GTF3C4: variants seen among roughly 807,000 people sequenced by gnomAD.
The protein encoded by GTF3C4 is general transcription factor 3C polypeptide 4.
In GTF3C4, 28 loss-of-function variants were observed where a neutral mutation model predicts 67.5. That is an observed-to-expected ratio of 0.41 (90% CI 0.31 to 0.57). GTF3C4 has a LOEUF of 0.57. GTF3C4 is among the 20% of genes least tolerant of loss of function. The pLI, the probability that GTF3C4 is intolerant of heterozygous loss-of-function variation, is 0.21. For missense variants in GTF3C4, 831 were observed against 1,033.2 expected (o/e 0.80, Z 2.68); for synonymous variants, 409 against 393.0 (o/e 1.04, Z -0.48).
chr9:132,676,132 C>T (rs12343343), intron 1 of GTF3C4, among the ~76,000 whole-genome samples: 46,055 of 151,492 alleles, frequency 0.3, 7,430 homozygotes, highest in Middle Eastern at 0.43. Flanking sequence ...ATCTCCTGAC[C>T]TCATGATCCG....
chr9:132,670,940 C>T lies in GTF3C4; in HGVS notation c.342C>T (p.Asn114=). ...IHRTSVPAPL[N]SCLLKVGSKT... ...GCACCTCGGTGCCCGCACCGCTCAA[C>T]AGCTGTCTCCTCAAAGTAAGTCATC... The change falls in exon 1 of 5, where the codon AAC becomes AAT. Residue 114 remains asparagine, a synonymous_variant. Coordinates refer to ENST00000372146, the MANE Select transcript of GTF3C4 (RefSeq NM_012204.4). The T allele has an allele frequency of 6.2e-7, 1 of 1,610,128 alleles. No homozygotes were observed. The highest frequency in any genetic ancestry group is 8.5e-7 in the Non-Finnish European group (1 of 1,177,816).
At chr9:132,671,043 T>C (rs917687786) in intron 1 of GTF3C4, 88 bp downstream of exon 1, 25 of 900,006 alleles carry the variant, frequency 2.8e-5, no homozygotes, top group Non-Finnish European at 4.5e-5. Flanking sequence ...GATCCCACAC[T>C]CTGTCCGGGG....
upstream of GTF3C4, chr9:132,670,060 T>C (rs1590125934): frequency 1.3e-6 from 2 of 1,564,318 alleles, no homozygotes; most frequent in Non-Finnish European, 1.7e-6. Flanking sequence ...CGGCTCCAGC[T>C]GTACGGACTC....
chr9:132,688,782 A>C, intron 4 of GTF3C4, 99 bp from the exon 5 acceptor site: 1 of 849,858 alleles, frequency 1.2e-6, no homozygotes, highest in Non-Finnish European at 2.1e-6. Flanking sequence ...CAGAGGTGGG[A>C]CCAGAATGCC....
rs567920424 is a variant in GTF3C4, at chr9:132,670,688, G to C, written c.90G>C (p.Ala30=). The C allele has an allele frequency of 2.0e-6, 3 of 1,512,694 alleles. No homozygotes were observed. Among genetic ancestry groups the C allele is most frequent in the African/African-American group, 2.8e-5 (2 of 70,868 alleles). The allele number at this position is 1,512,694 out of a possible 1,614,324, so 93.7% of individuals were successfully genotyped here. ...AGGAGGGAGAGGGGGGCGGCGAGGC[G>C]GGCGGGAAGGAGCCAGCAGCGGACG... The part of the protein sequence containing the change: ...GEEEGEGGGE[A]GGKEPAADAA... Residue 30 remains alanine (A), a synonymous_variant, in exon 1 of 5, where the codon GCG becomes GCC. Coordinates refer to ENST00000372146, the MANE Select transcript of GTF3C4 (RefSeq NM_012204.4).
chr9:132,671,166 AC>A (rs1835740418), intron 1 of GTF3C4, among the ~76,000 whole-genome samples: 1 of 150,854 alleles, frequency 6.6e-6, no homozygotes, highest in Admixed American at 6.6e-5. Flanking sequence ...TCCCCAGGTC[AC>A]CCGCCGCCGC....
rs985274710 is a variant in GTF3C4, at chr9:132,689,662, T to C, written c.*717T>C. The C allele has an allele frequency of 6.6e-6, 1 of 152,166 alleles. No homozygotes were observed. The highest frequency in any genetic ancestry group is 1.5e-5 in the Non-Finnish European group (1 of 68,088). 9.4% of individuals were successfully genotyped at this position (152,166 alleles called of 1,614,324 possible). ...CAGGTTTCCTGACCCAACTCCTTAA[T>C]CCGTATAAAGATGTCAAATACTGTA... On this transcript the variant is annotated 3_prime_UTR_variant, in exon 5 of 5. Transcript: ENST00000372146.
At chr9:132,670,389 C>T (rs531529938), upstream of GTF3C4, 55 of 1,171,332 alleles carry the variant, frequency 4.7e-5, no homozygotes, top group East Asian at 1.6e-3. Flanking sequence ...GCTCCCCGCT[C>T]GCTGTCCTTT....
Position 132,689,789 on chromosome 9 carries a change from G to C in GTF3C4, c.*844G>C, listed in dbSNP as rs1482983120. On this transcript the variant is annotated 3_prime_UTR_variant, in exon 5 of 5. Transcript: ENST00000372146. Reference sequence around the variant, plus strand: ...AGATATTTTCCTCTTTTAGTAATAAGACTTTCAGTATTTTTAATGTTGACA... The same window carrying C: ...AGATATTTTCCTCTTTTAGTAATAACACTTTCAGTATTTTTAATGTTGACA... The C allele has an allele frequency of 6.6e-6, 1 of 152,188 alleles. No homozygotes were observed. The highest frequency in any genetic ancestry group is 2.4e-5 in the African/African-American group (1 of 41,446). The allele number at this position is 152,188 out of a possible 1,614,324, so 9.4% of individuals were successfully genotyped here.
At chr9:132,675,709 T>A (rs1165439259) in intron 1 of GTF3C4, among the ~76,000 whole-genome samples, 1 of 152,140 alleles carries the variant, frequency 6.6e-6, no homozygotes, top group East Asian at 1.9e-4. Flanking sequence ...AAAGCTTGTT[T>A]GGCCATAGAA....
At chr9:132,684,247 G>A (rs1363556406) in intron 3 of GTF3C4, among the ~76,000 whole-genome samples, 2 of 152,116 alleles carry the variant, frequency 1.3e-5, no homozygotes, top group East Asian at 1.9e-4. Flanking sequence ...GTTTTTGCCT[G>A]TATCTCTCCC....
Position 132,678,202 on chromosome 9 carries a change from G to T in GTF3C4, c.583G>T (p.Ala195Ser), listed in dbSNP as rs935152452. The change falls in exon 2 of 5, where the codon GCA (alanine) becomes TCA (serine). Residue 195 changes from alanine to serine, a missense_variant. Around this residue, in one of 4 missense-constraint regions of GTF3C4, gnomAD observed 390 missense variants for 540.3 expected, o/e 0.72. Coordinates refer to ENST00000372146, the MANE Select transcript of GTF3C4 (RefSeq NM_012204.4). This position sits in a 1 kb window ranked among gnomAD's most constrained non-coding sequence, Gnocchi z 6.5. Reference protein sequence around the residue: ...LTMDNRLTIQANLNRLQWVQL... With the variant: ...LTMDNRLTIQSNLNRLQWVQL... ...CATGGACAATCGCCTGACCATCCAG[G>T]CAAATCTCAACAGACTGCAGTGGGT... 3 of 1,614,100 alleles carry T rather than the reference G, an allele frequency of 1.9e-6. No individual in the cohort carries two copies. The highest frequency in any genetic ancestry group is 3.3e-5 in the Admixed American group (2 of 60,010).
intron 1 of GTF3C4, among the ~76,000 whole-genome samples, chr9:132,676,101 G>A (rs903907989): frequency 9.9e-5 from 15 of 151,190 alleles, no homozygotes; most frequent in South Asian, 2.1e-4. Context: ...GAGTTTCACC[G>A]TGTTAGCCAG....
rs13287671 is a variant in GTF3C4 at position 132,670,683 on chromosome 9, G to A, written c.85G>A (p.Glu29Lys). The A allele has an allele frequency of 1.3e-6, 2 of 1,510,152 alleles. No individual in the cohort carries two copies. The highest frequency in any genetic ancestry group is 1.8e-6 in the Non-Finnish European group (2 of 1,136,858). 93.5% of individuals were successfully genotyped at this position (1,510,152 alleles called of 1,614,324 possible). The part of the protein sequence containing the change: ...SGEEEGEGGG[E>K]AGGKEPAADA... The stretch of plus-strand genomic sequence containing the variant: ...GGAGGAGGAGGGAGAGGGGGGCGGC[G>A]AGGCGGGCGGGAAGGAGCCAGCAGC... Residue 29 changes from glutamate to lysine, a missense_variant, in exon 1 of 5, where the codon GAG becomes AAG. By Grantham distance (56) the Glu-to-Lys change is moderately conservative. Around this residue, in one of 4 missense-constraint regions of GTF3C4, gnomAD observed 237 missense variants for 212.7 expected, o/e 1.11. Coordinates refer to ENST00000372146, the MANE Select transcript of GTF3C4 (RefSeq NM_012204.4).
At chr9:132,681,389 G>A (rs373726098) in intron 2 of GTF3C4, among the ~76,000 whole-genome samples, 5 of 152,160 alleles carry the variant, frequency 3.3e-5, no homozygotes, top group East Asian at 3.9e-4. Context: ...TAGCAACTGA[G>A]TTTATTGAAG....
chr9:132,689,614 T>C lies in GTF3C4; in HGVS notation c.*669T>C, dbSNP rs547731313. 1 of 152,372 alleles carries C rather than the reference T, an allele frequency of 6.6e-6. No homozygotes were observed. 9.4% of individuals were successfully genotyped at this position (152,372 alleles called of 1,614,324 possible). On this transcript the variant is annotated 3_prime_UTR_variant, in exon 5 of 5. Transcript: ENST00000372146. ...TATTATAATGAATAATTGTGACTTA[T>C]TTTTCATTCTCTCCTGGGTCATCAG...
chr9:132,687,568 G>C (rs1195311875), intron 4 of GTF3C4, among the ~76,000 whole-genome samples: 1 of 152,220 alleles, frequency 6.6e-6, no homozygotes, highest in East Asian at 1.9e-4. Context: ...ATGTAAGTTT[G>C]TCTGCGTTGC....
rs945245800 is a variant in GTF3C4, at chr9:132,693,039, T to A, written c.*4094T>A. The A allele has an allele frequency of 1.3e-5, 2 of 152,242 alleles. No individual in the cohort carries two copies. Among genetic ancestry groups the A allele is most frequent in the South Asian group, 4.1e-4 (2 of 4,832 alleles). The allele number at this position is 152,242 out of a possible 1,614,324, so 9.4% of individuals were successfully genotyped here. On this transcript the variant is annotated 3_prime_UTR_variant, in exon 5 of 5. Coordinates refer to ENST00000372146, the MANE Select transcript of GTF3C4 (RefSeq NM_012204.4). ...AAAAATACTGAGTTGCTTCTAGTTA[T>A]CTAAAGTAGTACAGAATCACTATCC... is the stretch of plus-strand genomic sequence containing the variant.
chr9:132,676,103 G>T (rs1312895907), intron 1 of GTF3C4, among the ~76,000 whole-genome samples: 1 of 151,654 alleles, frequency 6.6e-6, no homozygotes, highest in African/African-American at 2.4e-5. Context: ...GTTTCACCGT[G>T]TTAGCCAGGA....
Sources: gnomAD v4.1 joint callset for allele counts (sites outside exome capture counted in the v4.1 genomes callset) on GRCh38, gnomAD v4.1.1 for gene constraint, gnomAD v4.1.1 regional missense constraint, Gnocchi (gnomAD v3.1) non-coding constraint, MANE v1.5 for transcripts, NCBI Gene and HGNC (gene_info 2026-07-23, HGNC 2026-07-21) for gene names.